The following KCNU1 variants were observed in gnomAD, a reference collection of about 807,000 sequenced individuals.
KCNU1 encodes the protein potassium channel subfamily U member 1.
KCNU1 carries 93 observed loss-of-function variants against 126.8 expected under a neutral mutation model. That is an observed-to-expected ratio of 0.73 (90% CI 0.62 to 0.87). The LOEUF (loss-of-function observed/expected upper bound fraction) is 0.87, where lower values mean the gene tolerates loss of function less well. Ranked by LOEUF, KCNU1 falls within the 40% of genes least tolerant of loss-of-function variation. The probability of loss-of-function intolerance (pLI) is 0.00; values close to 1 mark genes in which losing one functional copy is unlikely to be tolerated. For missense variants in KCNU1, 1,330 were observed against 1,367.1 expected, an observed-to-expected ratio of 0.97 and a Z score of 0.43; for synonymous variants, 523 against 494.2, an observed-to-expected ratio of 1.06 and a Z score of -0.77.
At chr8:36,832,745 T>A (rs1420961231) in intron 10 of KCNU1, among the ~76,000 whole-genome samples, 1 of 152,112 alleles carries the variant, frequency 6.6e-6, no homozygotes, top group Non-Finnish European at 1.5e-5. Flanking sequence ...CTTATTCTTG[T>A]TTTCATCATT....
At chr8:36,889,881 C>T (rs575156275) in intron 19 of KCNU1, among the ~76,000 whole-genome samples, 4 of 152,148 alleles carry the variant, frequency 2.6e-5, no homozygotes, top group Admixed American at 6.6e-5. Context: ...GAAAAGAAGT[C>T]ATCTTGCCCA....
chr8:36,875,026 G>A (rs564697743), intron 19 of KCNU1, among the ~76,000 whole-genome samples: 2 of 152,010 alleles, frequency 1.3e-5, no homozygotes, highest in Admixed American at 1.3e-4. Flanking sequence ...CCTAATGAAT[G>A]TAAGTGGTAT....
intron 10 of KCNU1, among the ~76,000 whole-genome samples, chr8:36,829,968 T>A (rs893697172): frequency 6.6e-6 from 1 of 150,472 alleles, no homozygotes. Context: ...TCTAACCACA[T>A]AAATTTTATT....
chr8:36,898,394 T>C (rs925689487), intron 19 of KCNU1, among the ~76,000 whole-genome samples: 4 of 151,964 alleles, frequency 2.6e-5, no homozygotes, highest in African/African-American at 9.7e-5. Context: ...TTAATGTTAA[T>C]AATTTTCCAG....
At chr8:36,870,751 C>T (rs932844666) in intron 19 of KCNU1, among the ~76,000 whole-genome samples, 2 of 152,114 alleles carry the variant, frequency 1.3e-5, no homozygotes, top group African/African-American at 4.8e-5. Flanking sequence ...TAATGTAGCC[C>T]ATAACTAGTA....
chr8:36,900,707 C>CA (rs1807382753), intron 19 of KCNU1, among the ~76,000 whole-genome samples: 1 of 151,998 alleles, frequency 6.6e-6, no homozygotes, highest in Admixed American at 6.6e-5. Flanking sequence ...CTTTGATATA[C>CA]AAAAATCTCA....
At chr8:36,809,658 G>C (rs989606632) in intron 7 of KCNU1, among the ~76,000 whole-genome samples, 1 of 152,134 alleles carries the variant, frequency 6.6e-6, no homozygotes, top group Non-Finnish European at 1.5e-5. Flanking sequence ...AGCAGTAAAG[G>C]CTGATTCCTA....
chr8:36,854,407 T>C (rs1459352231), intron 18 of KCNU1, among the ~76,000 whole-genome samples: 4 of 152,014 alleles, frequency 2.6e-5, no homozygotes, highest in African/African-American at 9.7e-5. Context: ...TTTTTCTTAA[T>C]TCCTTTTTTC....
rs774111092 is a variant in KCNU1, at chr8:36,935,886, AT to A, written c.3417del (p.Asp1139GlufsTer30). ...AGGAAAACTTCAGATGAGGTTTATGATGAGGATCCCTTTGCATATTCAGAGC... is the reference window on the plus strand; with the variant it reads ...AGGAAAACTTCAGATGAGGTTTATGAGAGGATCCCTTTGCATATTCAGAGC... ...NERKTSDEVY[D>X]EDPFAYSEPL is the part of the protein sequence containing the mutation. On this transcript the variant is annotated frameshift_variant, in exon 27 of 27. Coordinates refer to ENST00000399881, the MANE Select transcript of KCNU1 (RefSeq NM_001031836.3). LOFTEE classifies it low-confidence loss of function (END_TRUNC). 1.2e-6 allele frequency: 2 copies of A among 1,607,166 alleles called. No individual in the cohort carries two copies. Among genetic ancestry groups the A allele is most frequent in the Non-Finnish European group, 1.7e-6 (2 of 1,176,590 alleles).
intron 19 of KCNU1, among the ~76,000 whole-genome samples, chr8:36,904,180 G>C (rs1234481622): frequency 6.6e-6 from 1 of 152,098 alleles, no homozygotes; most frequent in South Asian, 2.1e-4. Context: ...TTATGCCCTG[G>C]TAACAGCTAT....
intron 19 of KCNU1, among the ~76,000 whole-genome samples, chr8:36,885,676 C>T (rs1214259374): frequency 6.6e-6 from 1 of 151,970 alleles, no homozygotes; most frequent in Non-Finnish European, 1.5e-5. Context: ...GCTTGTAATC[C>T]CAGCTATTCT....
At chr8:36,849,208 CA>C (rs1805256856) in intron 18 of KCNU1, among the ~76,000 whole-genome samples, 1 of 151,972 alleles carries the variant, frequency 6.6e-6, no homozygotes. Context: ...ACAAAAAAAA[CA>C]AAACGAAAAA....
intron 3 of KCNU1, 86 bp from the exon 4 acceptor site, chr8:36,805,109 T>G: frequency 1.2e-6 from 1 of 841,828 alleles, no homozygotes; most frequent in Non-Finnish European, 1.9e-6. Context: ...AAGAAAAATT[T>G]TCCTATTCTT....
At chr8:36,887,230 T>G (rs1212101822) in intron 19 of KCNU1, among the ~76,000 whole-genome samples, 2 of 152,140 alleles carry the variant, frequency 1.3e-5, no homozygotes, top group African/African-American at 4.8e-5. Flanking sequence ...CCACACTGTT[T>G]TCCATACAGA....
At chr8:36,889,457 G>A (rs1317001550) in intron 19 of KCNU1, 3 of 289,034 alleles carry the variant, frequency 1.0e-5, no homozygotes, top group African/African-American at 2.2e-5. Flanking sequence ...TTGGTGTGGA[G>A]GCATCACTTT....
intron 24 of KCNU1, 97 bp downstream of exon 24, chr8:36,922,726 TC>T: frequency 8.1e-7 from 1 of 1,230,168 alleles, no homozygotes; most frequent in Non-Finnish European, 1.1e-6. Context: ...ACCTCACAGT[TC>T]TAAGTTCTCT....
chr8:36,922,464 T>C (rs1293106906), intron 23 of KCNU1, 26 bp from the exon 24 acceptor site: 1 of 1,603,818 alleles, frequency 6.2e-7, no homozygotes, highest in Admixed American at 1.7e-5. Flanking sequence ...TCTGCTTGTC[T>C]TTCCTTTTTG....
intron 19 of KCNU1, among the ~76,000 whole-genome samples, chr8:36,868,580 A>G (rs777902128): frequency 3.3e-5 from 5 of 152,252 alleles, no homozygotes; most frequent in Non-Finnish European, 5.9e-5. Flanking sequence ...TATTCTTAGT[A>G]CTTAAAGCAT....
intron 2 of KCNU1, among the ~76,000 whole-genome samples, chr8:36,798,304 C>A (rs1409363189): frequency 6.6e-6 from 1 of 152,114 alleles, no homozygotes; most frequent in Non-Finnish European, 1.5e-5. Flanking sequence ...TTTTATTTAA[C>A]CCTATATATT....
Sources: gnomAD v4.1 joint callset for allele counts (sites outside exome capture counted in the v4.1 genomes callset) on GRCh38, gnomAD v4.1.1 for gene constraint, MANE v1.5 for transcripts, NCBI Gene and HGNC (gene_info 2026-07-23, HGNC 2026-07-21) for gene names.